The following WWP1 variants were observed in gnomAD, a reference collection of about 807,000 sequenced individuals.
WWP1 encodes NEDD4-like E3 ubiquitin-protein ligase WWP1.
A neutral mutation model predicts 130.6 loss-of-function variants in WWP1; 49 were observed. The observed-to-expected ratio is 0.38, with a 90% CI of 0.30 to 0.48. The LOEUF is 0.48. WWP1 is among the 20% of genes least tolerant of loss of function. The pLI, the probability that WWP1 is intolerant of heterozygous loss-of-function variation, is 0.99. For missense variants in WWP1, 809 were observed against 1,100.6 expected, an observed-to-expected ratio of 0.74 and a Z score of 3.75; for synonymous variants, 332 against 367.8, an observed-to-expected ratio of 0.90 and a Z score of 1.11.
chr8:86,388,066 T>G (rs1825388614), intron 5 of WWP1, among the ~76,000 whole-genome samples: 1 of 152,210 alleles, frequency 6.6e-6, no homozygotes, highest in African/African-American at 2.4e-5. Flanking sequence ...AATTTACATT[T>G]AAATAGCCAT....
intron 9 of WWP1, among the ~76,000 whole-genome samples, chr8:86,424,291 G>T (rs79632260): frequency 0.36 from 53,457 of 147,928 alleles, 10,057 homozygotes; most frequent in Middle Eastern, 0.47. Flanking sequence ...CAGGATGGCG[G>T]CCGGGAAGAG....
At chr8:86,428,977 G>A (rs1809786304) in intron 11 of WWP1, among the ~76,000 whole-genome samples, 1 of 152,122 alleles carries the variant, frequency 6.6e-6, no homozygotes. Context: ...AACACATTGA[G>A]GTTTAATTAT....
intron 24 of WWP1, among the ~76,000 whole-genome samples, chr8:86,463,263 A>AGCT (rs1166393917): frequency 1.3e-5 from 2 of 152,128 alleles, no homozygotes; most frequent in Admixed American, 1.3e-4. Context: ...TGAGCTTGAC[A>AGCT]GCTTCTTAAG....
intron 17 of WWP1, among the ~76,000 whole-genome samples, chr8:86,441,390 A>AG (rs1411018164): frequency 6.4e-4 from 98 of 152,330 alleles, no homozygotes; most frequent in Non-Finnish European, 4.1e-4. Context: ...TCTACCCTTC[A>AG]GGCAGTATCA....
chr8:86,402,424 T>G (rs1233187718), intron 8 of WWP1, among the ~76,000 whole-genome samples: 1 of 147,826 alleles, frequency 6.8e-6, no homozygotes, highest in Non-Finnish European at 1.5e-5. Flanking sequence ...TAGCTGGGAT[T>G]ACAGGCACCC....
At chr8:86,440,758 C>T (rs1810549859) in intron 17 of WWP1, 1 of 423,300 alleles carries the variant, frequency 2.4e-6, no homozygotes, top group African/African-American at 2.1e-5. Context: ...CTTTGTCAGT[C>T]TTACATGTCT....
At chr8:86,387,581 C>T (rs1021118424) in intron 5 of WWP1, among the ~76,000 whole-genome samples, 3 of 151,972 alleles carry the variant, frequency 2.0e-5, no homozygotes, top group Non-Finnish European at 2.9e-5. Flanking sequence ...GGTGCAGTCT[C>T]GGCTCACTGC....
intron 21 of WWP1, among the ~76,000 whole-genome samples, chr8:86,456,523 C>G (rs1307355954): frequency 6.6e-6 from 1 of 151,806 alleles, no homozygotes; most frequent in African/African-American, 2.4e-5. Context: ...ATCAAAGCAC[C>G]ACTTTGAGAT....
At position 86,379,470 on chromosome 8, in the gene WWP1, T is replaced by A. The variant is rs77347850; in HGVS notation, c.71-1256T>A. ...TTGTTTTTATATCCTTAACATCCGG[T>A]GTGTATGACATGAAAGAGGCTTTTC... On this transcript the variant is annotated intron_variant, in intron 3 of 24. Transcript: ENST00000517970. Among the ~76,000 whole-genome samples, 465 of 152,262 alleles carry A rather than the reference T, an allele frequency of 3.1e-3. 2 individuals carry two copies. Among genetic ancestry groups the A allele is most frequent in the African/African-American group, 0.011 (443 of 41,550 alleles).
At position 86,406,215 on chromosome 8, in the gene WWP1, G is replaced by A. The variant is rs186782384; in HGVS notation, c.724+4012G>A. On this transcript the variant is annotated intron_variant, in intron 8 of 24. Coordinates refer to ENST00000517970, the MANE Select transcript of WWP1 (RefSeq NM_007013.4). ...ACATCCTCAAAATTTATGAAAAGAG[G>A]ATAATATGCGACTACCTTATAGGAC... Among the ~76,000 whole-genome samples the A allele has an allele frequency of 2.2e-3, 328 of 152,190 alleles. 7 individuals are homozygous for A. The highest frequency in any genetic ancestry group is 3.8e-4 in the Non-Finnish European group (26 of 68,016).
At chr8:86,435,297 G>A (rs906461480) in intron 14 of WWP1, among the ~76,000 whole-genome samples, 155 bp from the exon 15 acceptor site, 2 of 152,124 alleles carry the variant, frequency 1.3e-5, no homozygotes, top group African/African-American at 4.8e-5. Context: ...CATTACTTGA[G>A]CTTCTTTTGG....
intron 1 of WWP1, among the ~76,000 whole-genome samples, chr8:86,359,312 C>G (rs1218679428): frequency 6.6e-6 from 1 of 152,086 alleles, no homozygotes; most frequent in Non-Finnish European, 1.5e-5. Context: ...CTATAAACAA[C>G]TCTAACAGTT....
intron 1 of WWP1, among the ~76,000 whole-genome samples, chr8:86,367,240 A>G (rs1824024022): frequency 6.6e-6 from 1 of 152,212 alleles, no homozygotes; most frequent in African/African-American, 2.4e-5. Flanking sequence ...TATCCTTGCC[A>G]TACCCACTTT....
At chr8:86,445,971 CTTTT>C (rs1180609317) in intron 18 of WWP1, among the ~76,000 whole-genome samples, 1 of 110,346 alleles carries the variant, frequency 9.1e-6, no homozygotes, top group Non-Finnish European at 1.8e-5. Flanking sequence ...CTTTTCTTTT[CTTTT>C]CTTTTTTTTT....
At chr8:86,410,224 A>G (rs1808508245) in intron 8 of WWP1, among the ~76,000 whole-genome samples, 1 of 152,284 alleles carries the variant, frequency 6.6e-6, no homozygotes, top group South Asian at 2.1e-4. Flanking sequence ...GTGTTATAAC[A>G]CCTTAAATAA....
intron 20 of WWP1, 141 bp from the exon 21 acceptor site, chr8:86,452,418 A>T (rs964016384): frequency 3.0e-6 from 2 of 672,998 alleles, no homozygotes; most frequent in African/African-American, 3.6e-5. Context: ...GTATTCATAC[A>T]TATACACACA....
At chr8:86,428,986 ATC>A (rs1418747958) in intron 11 of WWP1, among the ~76,000 whole-genome samples, 1 of 152,196 alleles carries the variant, frequency 6.6e-6, no homozygotes, top group Non-Finnish European at 1.5e-5. Context: ...AGGTTTAATT[ATC>A]TCAGTACAAC....
intron 8 of WWP1, among the ~76,000 whole-genome samples, chr8:86,409,352 G>T (rs1388642087): frequency 1.4e-5 from 2 of 146,580 alleles, no homozygotes; most frequent in African/African-American, 5.0e-5. Flanking sequence ...TTCTGCCTCA[G>T]CCTCCTGAGT....
chr8:86,393,653 A>C (rs938348140), intron 5 of WWP1, among the ~76,000 whole-genome samples: 1 of 152,192 alleles, frequency 6.6e-6, no homozygotes, highest in Non-Finnish European at 1.5e-5. Context: ...GAATTTTAGA[A>C]AACTTTGCTA....
Sources: gnomAD v4.1 joint callset for allele counts (sites outside exome capture counted in the v4.1 genomes callset) on GRCh38, gnomAD v4.1.1 for gene constraint, MANE v1.5 for transcripts, NCBI Gene and HGNC (gene_info 2026-07-23, HGNC 2026-07-21) for gene names.